The following STAM2 variants were observed in gnomAD, a reference collection of about 807,000 sequenced individuals.
STAM2 encodes the protein signal transducing adapter molecule 2.
STAM2 carries 51 observed loss-of-function variants against 65.6 expected under a neutral mutation model. The ratio of observed to expected loss-of-function variants is 0.78; its 90% CI spans 0.62 to 0.98. The LOEUF is 0.98. Among genes scored for constraint, STAM2 ranks in the 50% least tolerant of loss-of-function variants. The pLI is 0.00. For synonymous variants in STAM2, 198 were observed against 208.4 expected, an observed-to-expected ratio of 0.95 and a Z score of 0.43; for missense variants, 584 against 617.8, an observed-to-expected ratio of 0.95 and a Z score of 0.58.
At chr2:152,154,618 T>TACAAAACAAA (rs141475550) in intron 1 of STAM2, among the ~76,000 whole-genome samples, 4 of 151,512 alleles carry the variant, frequency 2.6e-5, no homozygotes, top group Admixed American at 1.3e-4. Context: ...CCCCTGTCTC[T>TACAAAACAAA]ACAAAACAAA....
intron 13 of STAM2, among the ~76,000 whole-genome samples, 191 bp from the exon 14 acceptor site, chr2:152,120,993 T>C (rs1288850363): frequency 6.6e-6 from 1 of 152,196 alleles, no homozygotes. Flanking sequence ...ATTTTTGAGA[T>C]GGGATCTTGC....
intron 1 of STAM2, among the ~76,000 whole-genome samples, chr2:152,159,413 A>G (rs1294321978): frequency 6.6e-6 from 1 of 152,158 alleles, no homozygotes; most frequent in Non-Finnish European, 1.5e-5. Context: ...GGAAACCACA[A>G]TGATAGCTTT....
intron 1 of STAM2, among the ~76,000 whole-genome samples, chr2:152,159,314 A>G (rs1408139896): frequency 1.3e-5 from 2 of 151,434 alleles, no homozygotes; most frequent in Non-Finnish European, 2.9e-5. Flanking sequence ...ACTTGTCTCT[A>G]AAACAAAAAA....
At chr2:152,162,527 T>C (rs1689701325) in intron 1 of STAM2, among the ~76,000 whole-genome samples, 1 of 152,212 alleles carries the variant, frequency 6.6e-6, no homozygotes, top group African/African-American at 2.4e-5. Context: ...TACAGTGAGC[T>C]ATGATTGTGC....
intron 1 of STAM2, among the ~76,000 whole-genome samples, chr2:152,173,247 A>G (rs1689930751): frequency 1.3e-5 from 2 of 151,438 alleles, no homozygotes; most frequent in Non-Finnish European, 2.9e-5. Flanking sequence ...TGACTGAATC[A>G]AAGAGAACAA....
At chr2:152,155,856 G>A (rs978553765) in intron 1 of STAM2, among the ~76,000 whole-genome samples, 2 of 152,102 alleles carry the variant, frequency 1.3e-5, no homozygotes, top group South Asian at 2.1e-4. Flanking sequence ...AACCTCACAC[G>A]TGGTGTGAGG....
At chr2:152,131,761 C>A in intron 11 of STAM2, 1 of 232,810 alleles carries the variant, frequency 4.3e-6, no homozygotes, top group South Asian at 7.4e-5. Context: ...TGCTGTCCAT[C>A]ACTACAGTGG....
chr2:152,126,412 C>A (rs374974704), intron 11 of STAM2, 33 bp from the exon 12 acceptor site: 87 of 1,332,942 alleles, frequency 6.5e-5, no homozygotes, highest in Non-Finnish European at 6.1e-5. Context: ...TAATACTCTT[C>A]TAGTTTTTAG....
intron 13 of STAM2, among the ~76,000 whole-genome samples, chr2:152,122,815 T>C (rs1222418422): frequency 6.6e-6 from 1 of 152,068 alleles, no homozygotes; most frequent in African/African-American, 2.4e-5. Context: ...CCTGTAATCC[T>C]AGCACTTTGA....
At chr2:152,170,739 T>A (rs1306154512) in intron 1 of STAM2, among the ~76,000 whole-genome samples, 1 of 152,222 alleles carries the variant, frequency 6.6e-6, no homozygotes, top group African/African-American at 2.4e-5. Flanking sequence ...CTCACGCCTG[T>A]AATCCCAGCA....
rs748093554 is a variant in STAM2, at chr2:152,148,067, G to A, written c.257C>T (p.Ser86Phe). 9 of 1,609,992 alleles carry A rather than the reference G, an allele frequency of 5.6e-6. No individual in the cohort carries two copies. Among genetic ancestry groups the A allele is most frequent in the East Asian group, 2.2e-5 (1 of 44,690 alleles). ...CGKIFHLEVC[S>F]RDFATEVRAV... ...ACGTACTTCTGTTGCAAAATCACGG[G>A]AACATACTTCTAAATGAAATATCTT... is the stretch of plus-strand genomic sequence containing the variant. Residue 86 changes from serine (S) to phenylalanine (F), a missense_variant, in exon 4 of 14, where the codon TCC becomes TTC. Ser to Phe is a radical substitution (Grantham distance 155, BLOSUM62 -2). Transcript: ENST00000263904.
intron 7 of STAM2, among the ~76,000 whole-genome samples, chr2:152,141,459 A>AG (rs1491387225): frequency 6.8e-6 from 1 of 147,592 alleles, no homozygotes; most frequent in African/African-American, 2.5e-5. Flanking sequence ...ACTTGAACAC[A>AG]GGGGGCGGGG....
In STAM2 at chr2:152,120,948, C is replaced by A. The variant is rs151041326; in HGVS notation, c.1350-146G>T. On this transcript the variant is annotated intron_variant, in intron 13 of 13. Transcript: ENST00000263904. The stretch of plus-strand genomic sequence containing the variant: ...TCTGATTACAATTTAATCATTCCAG[C>A]CATTGAATACTGTTAATCAAATTTT... 1,183 of 638,086 alleles carry A rather than the reference C, an allele frequency of 1.9e-3. 14 individuals carry two copies. The African/African-American group carries it at 0.02, about 11-fold the overall frequency. 39.5% of individuals were successfully genotyped at this position (638,086 alleles called of 1,614,324 possible). A position where few individuals can be genotyped will look rare whatever the true frequency, so the allele number is the denominator to read the frequency against.
intron 1 of STAM2, among the ~76,000 whole-genome samples, chr2:152,173,132 C>T (rs2105574033): frequency 6.6e-6 from 1 of 150,436 alleles, no homozygotes; most frequent in South Asian, 2.1e-4. Flanking sequence ...ATTTTGTGTC[C>T]ATAGATTAAC....
At chr2:152,153,643 C>T (rs1007751686) in intron 1 of STAM2, among the ~76,000 whole-genome samples, 3 of 152,110 alleles carry the variant, frequency 2.0e-5, no homozygotes, top group Non-Finnish European at 2.9e-5. Context: ...CCAAATGCTA[C>T]GCAGGCAAAA....
chr2:152,161,057 G>C (rs565726395), intron 1 of STAM2, among the ~76,000 whole-genome samples: 39 of 152,366 alleles, frequency 2.6e-4, no homozygotes, highest in African/African-American at 4.3e-4. Flanking sequence ...GAATAGAAGG[G>C]GGGGAAAGGT....
At chr2:152,142,067 G>A (rs563802585) in intron 7 of STAM2, among the ~76,000 whole-genome samples, 73 of 152,228 alleles carry the variant, frequency 4.8e-4, no homozygotes, top group African/African-American at 1.6e-3. Flanking sequence ...TAGCATGCAA[G>A]TTTGCATTTG....
At chr2:152,147,404 T>C in intron 4 of STAM2, 96 bp from the exon 5 acceptor site, 2 of 1,206,154 alleles carry the variant, frequency 1.7e-6, no homozygotes, top group Non-Finnish European at 2.2e-6. Context: ...AAATTCTCTT[T>C]AATTATATGA....
intron 9 of STAM2, 24 bp downstream of exon 9, chr2:152,133,378 T>C: frequency 4.4e-6 from 7 of 1,578,740 alleles, no homozygotes; most frequent in Non-Finnish European, 6.1e-6. Context: ...ATAGTTTAAC[T>C]ATTAAACAAA....
Sources: allele counts gnomAD v4.1 joint callset (sites outside exome capture counted in the v4.1 genomes callset), GRCh38; gene constraint gnomAD v4.1.1; transcripts MANE v1.5; gene names NCBI Gene and HGNC (gene_info 2026-07-23, HGNC 2026-07-21).